CDIN1: variants seen among roughly 807,000 people sequenced by gnomAD.
The protein encoded by CDIN1 is CDAN1-interacting nuclease 1.
In CDIN1, 33 loss-of-function variants were observed where a neutral mutation model predicts 45.3. The ratio of observed to expected loss-of-function variants is 0.73; its 90% CI spans 0.55 to 0.97. The LOEUF (loss-of-function observed/expected upper bound fraction) is 0.97. Among genes scored for constraint, CDIN1 ranks in the 50% least tolerant of loss-of-function variants. The probability of loss-of-function intolerance (pLI) is 0.00; values close to 1 mark genes in which losing one functional copy is unlikely to be tolerated. For missense variants in CDIN1, 303 were observed against 339.4 expected, an observed-to-expected ratio of 0.89 and a Z score of 0.84; for synonymous variants, 118 against 124.4, an observed-to-expected ratio of 0.95 and a Z score of 0.34.
chr15:36,617,926 G>A, intron 1 of CDIN1: 1 of 764,864 alleles, frequency 1.3e-6, no homozygotes, highest in East Asian at 2.5e-5. Context: ...TTTTTGCTAA[G>A]AATTGTTACT....
intron 1 of CDIN1, among the ~76,000 whole-genome samples, chr15:36,598,961 A>C (rs2037970258): frequency 6.6e-6 from 1 of 152,058 alleles, no homozygotes; most frequent in African/African-American, 2.4e-5. Flanking sequence ...GCTTTGCTGT[A>C]ATTTGATCTT....
At position 36,808,480 on chromosome 15, in the gene CDIN1, G is replaced by A; in HGVS notation, c.*27G>A. ...CCTGAAGATCCTGGAAGAGAAGCTG[G>A]GAGGAAAAGGTGAATCCGGAAGCAA... On this transcript the variant is annotated 3_prime_UTR_variant, in exon 11 of 11. Coordinates refer to ENST00000566621, the MANE Select transcript of CDIN1 (RefSeq NM_001321759.2). 6.2e-7 allele frequency: 1 copy of A among 1,611,928 alleles called. No homozygotes were observed. The highest frequency in any genetic ancestry group is 8.5e-7 in the Non-Finnish European group (1 of 1,178,796).
intron 1 of CDIN1, among the ~76,000 whole-genome samples, chr15:36,581,657 C>A (rs1358285904): frequency 6.6e-6 from 1 of 151,970 alleles, no homozygotes; most frequent in Non-Finnish European, 1.5e-5. Context: ...ATGGGAGGAT[C>A]ACTTGAGGCC....
intron 1 of CDIN1, chr15:36,618,156 A>G: frequency 1.4e-6 from 1 of 708,106 alleles, no homozygotes; most frequent in Middle Eastern, 2.6e-4. Flanking sequence ...CCAGGATCTT[A>G]TAAAAGACAT....
intron 1 of CDIN1, among the ~76,000 whole-genome samples, chr15:36,616,271 T>G (rs764224881): frequency 3.4e-5 from 5 of 148,098 alleles, no homozygotes; most frequent in Non-Finnish European, 6.0e-5. Context: ...TAAGCCTACA[T>G]TTTTCTTTTT....
intron 10 of CDIN1, among the ~76,000 whole-genome samples, chr15:36,806,618 G>A (rs910666878): frequency 6.6e-6 from 1 of 152,102 alleles, no homozygotes; most frequent in Non-Finnish European, 1.5e-5. Context: ...TCACTGATGG[G>A]AAGGTTTGTG....
At chr15:36,617,052 G>T in intron 1 of CDIN1, 1 of 767,984 alleles carries the variant, frequency 1.3e-6, no homozygotes. Context: ...AGTTAGAGTT[G>T]CAGCTGTGGG....
At chr15:36,585,771 A>G (rs1429588329) in intron 1 of CDIN1, among the ~76,000 whole-genome samples, 1 of 152,188 alleles carries the variant, frequency 6.6e-6, no homozygotes, top group Non-Finnish European at 1.5e-5. Context: ...GTGTTTTATA[A>G]TAGGAAAATA....
intron 10 of CDIN1, among the ~76,000 whole-genome samples, chr15:36,749,253 C>T (rs920639138): frequency 2.6e-5 from 4 of 152,096 alleles, no homozygotes; most frequent in African/African-American, 9.6e-5. Context: ...GCATATGATA[C>T]TGATATAAAC....
At chr15:36,585,820 CAA>C in intron 1 of CDIN1, among the ~76,000 whole-genome samples, 1 of 152,046 alleles carries the variant, frequency 6.6e-6, no homozygotes, top group Non-Finnish European at 1.5e-5. Context: ...TTCATAAGGA[CAA>C]GAAGAAAAAT....
intron 10 of CDIN1, among the ~76,000 whole-genome samples, chr15:36,772,255 C>A (rs890545089): frequency 1.3e-5 from 2 of 152,052 alleles, no homozygotes; most frequent in African/African-American, 4.8e-5. Flanking sequence ...CTGACCAGAA[C>A]TCATGTAAAG....
chr15:36,689,495 T>G (rs1432322052), intron 5 of CDIN1, among the ~76,000 whole-genome samples: 1 of 152,172 alleles, frequency 6.6e-6, no homozygotes, highest in Non-Finnish European at 1.5e-5. Context: ...CCTATTTTCT[T>G]AGGCCTCTGC....
In CDIN1 at chr15:36,712,386, C is replaced by A. The variant is rs186681752; in HGVS notation, c.716+2425C>A. On this transcript the variant is annotated intron_variant, in intron 10 of 10. Coordinates refer to ENST00000566621, the MANE Select transcript of CDIN1 (RefSeq NM_001321759.2). ...GTTCAAGTGATTCTCCTGCCTCAGCCTCCCAGGTAGCTGGGATTACAGGTG... is the reference window on the plus strand; with the variant it reads ...GTTCAAGTGATTCTCCTGCCTCAGCATCCCAGGTAGCTGGGATTACAGGTG... 2.0e-4 allele frequency among the ~76,000 whole-genome samples: 30 copies of A among 151,266 alleles called. No individual in the cohort carries two copies. The East Asian group carries it at 5.3e-3, about 27-fold the overall frequency.
Position 36,579,666 on chromosome 15 carries a change from G to A in CDIN1, c.-195G>A. 7.4e-6 allele frequency: 4 copies of A among 542,454 alleles called. No homozygotes were observed. Among genetic ancestry groups the A allele is most frequent in the South Asian group, 4.7e-5 (2 of 42,164 alleles). 33.6% of individuals were successfully genotyped at this position (542,454 alleles called of 1,614,324 possible). ...CAGTCCCCGCCGCGGAGGTGCCGGT[G>A]GAGCCTGGGACCGGGCGAGTCTCCG... On this transcript the variant is annotated 5_prime_UTR_variant, in exon 1 of 11. Coordinates refer to ENST00000566621, the MANE Select transcript of CDIN1 (RefSeq NM_001321759.2).
intron 10 of CDIN1, among the ~76,000 whole-genome samples, chr15:36,739,589 G>A (rs1388061189): frequency 6.6e-6 from 1 of 152,206 alleles, no homozygotes; most frequent in South Asian, 2.1e-4. Flanking sequence ...TGGAGATCGT[G>A]TTACAATATA....
At chr15:36,617,775 G>A in intron 1 of CDIN1, 1 of 813,658 alleles carries the variant, frequency 1.2e-6, no homozygotes, top group Non-Finnish European at 2.2e-6. Context: ...GTGATAAGTT[G>A]TGAGTTTGCA....
At chr15:36,619,956 T>G (rs2140307193) in intron 1 of CDIN1, among the ~76,000 whole-genome samples, 1 of 152,260 alleles carries the variant, frequency 6.6e-6, no homozygotes, top group Non-Finnish European at 1.5e-5. Flanking sequence ...TTTTTGACCT[T>G]ACTAATATTT....
intron 10 of CDIN1, among the ~76,000 whole-genome samples, chr15:36,740,536 G>A (rs534040146): frequency 1.1e-4 from 17 of 152,228 alleles, no homozygotes; most frequent in Non-Finnish European, 1.8e-4. Context: ...TGTGGCTATG[G>A]AGATATAATG....
At chr15:36,617,094 G>GT in intron 1 of CDIN1, 1 of 812,556 alleles carries the variant, frequency 1.2e-6, no homozygotes, top group Admixed American at 1.7e-5. Context: ...ACGACATGTT[G>GT]TTTTTCGTGG....
Sources: allele counts gnomAD v4.1 joint callset (sites outside exome capture counted in the v4.1 genomes callset), GRCh38; gene constraint gnomAD v4.1.1; transcripts MANE v1.5; gene names NCBI Gene and HGNC (gene_info 2026-07-23, HGNC 2026-07-21).